Variants in MALT1 observed in about 807,000 individuals in gnomAD.
MALT1 encodes mucosa-associated lymphoid tissue lymphoma translocation protein 1.
Under a neutral mutation model 85.5 loss-of-function variants are expected in MALT1, and 36 were observed. The ratio of observed to expected loss-of-function variants is 0.42; its 90% CI spans 0.32 to 0.56. The LOEUF (loss-of-function observed/expected upper bound fraction) is 0.56, where lower values mean the gene tolerates loss of function less well. Among genes scored for constraint, MALT1 ranks in the 20% least tolerant of loss-of-function variants. The pLI, the probability that MALT1 is intolerant of heterozygous loss-of-function variation, is 0.10. For synonymous variants in MALT1, 359 were observed against 361.3 expected (o/e 0.99, Z 0.07); for missense variants, 716 against 981.6 (o/e 0.73, Z 3.62).
intron 10 of MALT1, among the ~76,000 whole-genome samples, chr18:58,730,330 C>T (rs1479302632): frequency 6.6e-6 from 1 of 152,194 alleles, no homozygotes; most frequent in African/African-American, 2.4e-5. Flanking sequence ...TACCCCAGCC[C>T]CTGGCAACCA....
intron 2 of MALT1, among the ~76,000 whole-genome samples, chr18:58,695,666 G>A (rs2054576025): frequency 1.3e-5 from 2 of 152,114 alleles, no homozygotes; most frequent in African/African-American, 4.8e-5. Flanking sequence ...CACAGTTTTG[G>A]AGCCTGGGAA....
intron 13 of MALT1, among the ~76,000 whole-genome samples, chr18:58,737,766 A>G (rs918449414): frequency 6.6e-6 from 1 of 152,084 alleles, no homozygotes; most frequent in Non-Finnish European, 1.5e-5. Flanking sequence ...TATTTTTGGT[A>G]GAGATAGGGT....
At chr18:58,744,939 C>G (rs2055347131) in intron 15 of MALT1, among the ~76,000 whole-genome samples, 1 of 151,660 alleles carries the variant, frequency 6.6e-6, no homozygotes, top group Admixed American at 6.6e-5. Flanking sequence ...TCTAAAGAAG[C>G]CAGTAAATAG....
chr18:58,672,868 A>C (rs2054185932), intron 1 of MALT1: 1 of 152,250 alleles, frequency 6.6e-6, no homozygotes, highest in African/African-American at 2.4e-5. Flanking sequence ...TCCTGAAAGA[A>C]TGAATGAAAA....
chr18:58,700,014 C>T (rs2054649001), intron 3 of MALT1, among the ~76,000 whole-genome samples: 1 of 152,234 alleles, frequency 6.6e-6, no homozygotes, highest in Non-Finnish European at 1.5e-5. Context: ...CACGTCTTCC[C>T]AGCTAATGTG....
At chr18:58,682,749 T>G (rs2054340597) in intron 2 of MALT1, among the ~76,000 whole-genome samples, 1 of 152,186 alleles carries the variant, frequency 6.6e-6, no homozygotes. Context: ...TAGCAGATAC[T>G]GGGGAGGTAA....
chr18:58,711,160 T>C (rs1190679432), intron 7 of MALT1, among the ~76,000 whole-genome samples: 1 of 152,246 alleles, frequency 6.6e-6, no homozygotes, highest in Admixed American at 6.5e-5. Context: ...CAATAACTAA[T>C]CTTCAGTTGA....
intron 13 of MALT1, among the ~76,000 whole-genome samples, chr18:58,738,507 C>G (rs1330659826): frequency 1.3e-5 from 2 of 152,100 alleles, no homozygotes; most frequent in Non-Finnish European, 2.9e-5. Flanking sequence ...TATAATTCTA[C>G]AACTTGGAAT....
At position 58,723,929 on chromosome 18, in the gene MALT1, GATTT is replaced by G. The variant is rs1026789966; in HGVS notation, c.1222+683_1222+686del. Among the ~76,000 whole-genome samples the G allele has an allele frequency of 2.8e-4, 43 of 152,260 alleles. No homozygotes were observed. In the East Asian group the frequency reaches 4.8e-3, roughly 17 times the overall value. ...GTCACTAGCTAATCATTTATTTGGT[GATTT>G]ATTTCTTTCAATATGGGAAGGCCAG... On this transcript the variant is annotated intron_variant, in intron 10 of 16. Coordinates refer to ENST00000649217, the MANE Select transcript of MALT1 (RefSeq NM_006785.4).
intron 13 of MALT1, among the ~76,000 whole-genome samples, chr18:58,738,257 T>C (rs1170034371): frequency 6.6e-6 from 1 of 152,214 alleles, no homozygotes; most frequent in Non-Finnish European, 1.5e-5. Context: ...ATGTAGTCTT[T>C]TGGGACTAGA....
chr18:58,731,007 A>G (rs574401680), intron 10 of MALT1, among the ~76,000 whole-genome samples: 1 of 151,944 alleles, frequency 6.6e-6, no homozygotes, highest in South Asian at 2.1e-4. Context: ...CTGGAGTGCT[A>G]GTGGCACGAT....
intron 9 of MALT1, among the ~76,000 whole-genome samples, chr18:58,716,538 A>AT (rs1437312325): frequency 6.6e-6 from 1 of 152,240 alleles, no homozygotes; most frequent in African/African-American, 2.4e-5. Context: ...AAATTTGTCC[A>AT]TTGGATTCAG....
intron 7 of MALT1, among the ~76,000 whole-genome samples, chr18:58,711,912 A>G (rs376271945): frequency 6.6e-6 from 1 of 152,314 alleles, no homozygotes; most frequent in Middle Eastern, 3.4e-3. Context: ...GAGGGAAGCC[A>G]TGTGAAGAAA....
At chr18:58,721,173 A>T (rs1409295333) in intron 9 of MALT1, among the ~76,000 whole-genome samples, 2 of 152,238 alleles carry the variant, frequency 1.3e-5, no homozygotes, top group African/African-American at 4.8e-5. Flanking sequence ...TGAGGTCAGG[A>T]GTTCGAGACC....
intron 10 of MALT1, among the ~76,000 whole-genome samples, chr18:58,730,167 A>C (rs2055127540): frequency 6.6e-6 from 1 of 152,216 alleles, no homozygotes; most frequent in Non-Finnish European, 1.5e-5. Flanking sequence ...TACTTGATGG[A>C]GGTGTATAAG....
intron 1 of MALT1, among the ~76,000 whole-genome samples, chr18:58,677,310 A>C (rs1297470893): frequency 1.3e-5 from 2 of 152,114 alleles, no homozygotes; most frequent in Non-Finnish European, 2.9e-5. Flanking sequence ...AAGTGTTTTT[A>C]ATTTTCTCTA....
intron 10 of MALT1, among the ~76,000 whole-genome samples, chr18:58,725,467 G>A (rs761536544): frequency 9.9e-5 from 15 of 151,988 alleles, no homozygotes; most frequent in Non-Finnish European, 2.1e-4. Context: ...CAAGTCTTTC[G>A]GATAAAGGAT....
chr18:58,688,536 C>CAAA lies in MALT1; in HGVS notation c.376+7225_376+7227dup, dbSNP rs552838701. ...GCAACATAATGAGGCCCTGTTTCTACAAAAAAAAAAAAAAAAAAAAAAAAA... is the reference window on the plus strand; with the variant it reads ...GCAACATAATGAGGCCCTGTTTCTACAAAAAAAAAAAAAAAAAAAAAAAAAAAA... On this transcript the variant is annotated intron_variant, in intron 2 of 16. Transcript: ENST00000649217. Among the ~76,000 whole-genome samples, 47 of 61,394 alleles carry CAAA rather than the reference C, an allele frequency of 7.7e-4. 2 individuals are homozygous for CAAA. Among genetic ancestry groups the CAAA allele is most frequent in the East Asian group, 3.1e-3 (3 of 980 alleles). The allele number at this position is 61,394 out of a possible 152,430, so 40.3% of individuals were successfully genotyped here. A position where few individuals can be genotyped will look rare whatever the true frequency, so the allele number is the denominator to read the frequency against.
rs35533328 is a variant in MALT1, at chr18:58,745,675, A to G, written c.1921A>G (p.Ile641Val). The change falls in exon 16 of 17, where the codon ATT becomes GTT. Residue 641 changes from isoleucine (I) to valine (V), a missense_variant. By Grantham distance (29) the Ile-to-Val change is conservative. Around this residue, in one of 4 missense-constraint regions of MALT1, gnomAD observed 260 missense variants for 323.7 expected, o/e 0.80. Coordinates refer to ENST00000649217, the MANE Select transcript of MALT1 (RefSeq NM_006785.4). ...YVTDFPLDLD[I>V]DPKDANKGTP... is the part of the protein sequence containing the mutation. ...ATTTTTTTTTTTACAGGATCTAGAT[A>G]TTGATCCAAAAGATGCAAATAAAGG... 499 of 1,612,442 alleles carry G rather than the reference A, an allele frequency of 3.1e-4. No homozygotes were observed. In the African/African-American group the frequency reaches 6.1e-3, roughly 20 times the overall value.
Sources: allele counts gnomAD v4.1 joint callset (sites outside exome capture counted in the v4.1 genomes callset), GRCh38; gene constraint gnomAD v4.1.1; regional missense constraint gnomAD v4.1.1; transcripts MANE v1.5; gene names NCBI Gene and HGNC (gene_info 2026-07-23, HGNC 2026-07-21).